The following CHCHD3 variants were observed in gnomAD, a reference collection of about 807,000 sequenced individuals.
The protein encoded by CHCHD3 is MICOS complex subunit MIC19.
In CHCHD3, 20 loss-of-function variants were observed where a neutral mutation model predicts 38.2. The ratio of observed to expected loss-of-function variants is 0.52; its 90% CI spans 0.37 to 0.76. CHCHD3 has a LOEUF of 0.76. CHCHD3 is among the 30% of genes least tolerant of loss of function. CHCHD3 has a pLI of 0.00. For missense variants in CHCHD3, 245 were observed against 279.2 expected (o/e 0.88, Z 0.87); for synonymous variants, 82 against 100.0 (o/e 0.82, Z 1.07).
At chr7:132,797,560 C>T (rs534458312) in intron 6 of CHCHD3, among the ~76,000 whole-genome samples, 2 of 152,142 alleles carry the variant, frequency 1.3e-5, no homozygotes, top group Admixed American at 1.3e-4. Context: ...TTCTTTGTTA[C>T]CTCAGCTATT....
intron 4 of CHCHD3, among the ~76,000 whole-genome samples, chr7:132,937,878 A>G (rs1810669510): frequency 1.3e-5 from 2 of 152,216 alleles, no homozygotes; most frequent in South Asian, 4.1e-4. Context: ...TGCTACATAA[A>G]GAGACTGAAC....
chr7:132,813,105 C>A (rs905020818), intron 6 of CHCHD3, among the ~76,000 whole-genome samples: 3 of 152,180 alleles, frequency 2.0e-5, no homozygotes, highest in African/African-American at 7.2e-5. Context: ...GCAGTATTCC[C>A]AGTGCTTGTC....
chr7:132,899,434 T>C (rs750901471), intron 4 of CHCHD3, among the ~76,000 whole-genome samples: 1 of 152,204 alleles, frequency 6.6e-6, no homozygotes, highest in Non-Finnish European at 1.5e-5. Flanking sequence ...GCAGGTTCTC[T>C]TAAACATAGA....
chr7:133,023,133 T>C (rs1367624679), intron 3 of CHCHD3, among the ~76,000 whole-genome samples: 1 of 152,088 alleles, frequency 6.6e-6, no homozygotes. Context: ...AATTATATAG[T>C]CTATCAACCT....
At chr7:132,886,611 C>T (rs1809220921) in intron 4 of CHCHD3, among the ~76,000 whole-genome samples, 1 of 150,906 alleles carries the variant, frequency 6.6e-6, no homozygotes, top group Non-Finnish European at 1.5e-5. Flanking sequence ...CTGACTACAA[C>T]TTATAAGAAA....
chr7:132,847,763 C>G (rs1210268869), intron 5 of CHCHD3, among the ~76,000 whole-genome samples: 2 of 152,186 alleles, frequency 1.3e-5, no homozygotes, highest in Non-Finnish European at 2.9e-5. Flanking sequence ...GCAATATTTT[C>G]TCAGATTCTG....
At chr7:132,794,443 A>G (rs551665623) in intron 7 of CHCHD3, among the ~76,000 whole-genome samples, 2 of 152,368 alleles carry the variant, frequency 1.3e-5, no homozygotes, top group East Asian at 3.9e-4. Context: ...AACAAGTAAA[A>G]GAATGGATGT....
At chr7:133,001,521 GT>G (rs201954622) in intron 3 of CHCHD3, among the ~76,000 whole-genome samples, 2 of 151,536 alleles carry the variant, frequency 1.3e-5, no homozygotes, top group South Asian at 4.2e-4. Flanking sequence ...AAACTAAGTT[GT>G]TTTTTTTAAT....
chr7:132,873,024 A>T (rs1020592516), intron 5 of CHCHD3, among the ~76,000 whole-genome samples: 1 of 152,044 alleles, frequency 6.6e-6, no homozygotes, highest in African/African-American at 2.4e-5. Flanking sequence ...GAGGAGATGG[A>T]GGTTGCAGTG....
intron 6 of CHCHD3, among the ~76,000 whole-genome samples, chr7:132,820,469 G>A (rs1183091584): frequency 1.3e-5 from 2 of 152,096 alleles, no homozygotes; most frequent in Non-Finnish European, 2.9e-5. Flanking sequence ...TATGGCTTCC[G>A]CATCCCTTTC....
chr7:132,992,469 G>A (rs1180920976), intron 3 of CHCHD3, among the ~76,000 whole-genome samples: 3 of 152,052 alleles, frequency 2.0e-5, no homozygotes, highest in Non-Finnish European at 4.4e-5. Flanking sequence ...TCTTCCCATT[G>A]CTCCCCCAGT....
intron 4 of CHCHD3, among the ~76,000 whole-genome samples, chr7:132,947,544 T>A (rs1368212740): frequency 1.3e-5 from 2 of 152,010 alleles, no homozygotes; most frequent in Non-Finnish European, 2.9e-5. Flanking sequence ...AGTTTAAAAT[T>A]CTCTTTTAAT....
chr7:132,867,575 C>T (rs1038525836), intron 5 of CHCHD3, among the ~76,000 whole-genome samples: 1 of 152,126 alleles, frequency 6.6e-6, no homozygotes, highest in African/African-American at 2.4e-5. Flanking sequence ...GCAAACCCTT[C>T]TCTCTCCTTA....
chr7:132,990,949 CAT>C (rs1036875794), intron 3 of CHCHD3, among the ~76,000 whole-genome samples: 90 of 130,078 alleles, frequency 6.9e-4, no homozygotes, highest in African/African-American at 2.7e-3. Context: ...CACAGACACA[CAT>C]ACACACACAC....
intron 2 of CHCHD3, among the ~76,000 whole-genome samples, chr7:133,052,606 A>C (rs1185135667): frequency 6.6e-6 from 1 of 152,250 alleles, no homozygotes; most frequent in Non-Finnish European, 1.5e-5. Flanking sequence ...TCATACTAAC[A>C]TATCTGTGGT....
chr7:133,031,743 G>A (rs966218613), intron 2 of CHCHD3, among the ~76,000 whole-genome samples: 2 of 152,052 alleles, frequency 1.3e-5, no homozygotes, highest in African/African-American at 4.8e-5. Context: ...GAGAAACCAT[G>A]AAGATCTTCC....
In CHCHD3 at chr7:132,984,820, C is replaced by T. The variant is rs1198967597; in HGVS notation, c.252-9534G>A. On this transcript the variant is annotated intron_variant, in intron 3 of 7. Coordinates refer to ENST00000262570, the MANE Select transcript of CHCHD3 (RefSeq NM_017812.4). ...CCGTCTGGGAAGTGAGGAGCGTCTC[C>T]GCCCGGCAGCCACCCGGTCTGGGAG... 8.6e-5 allele frequency among the ~76,000 whole-genome samples: 11 copies of T among 127,286 alleles called. 1 individual carries two copies. Among genetic ancestry groups the T allele is most frequent in the Non-Finnish European group, 1.4e-4 (8 of 58,790 alleles). The allele number at this position is 127,286 out of a possible 152,430, so 83.5% of individuals were successfully genotyped here. A position where few individuals can be genotyped will look rare whatever the true frequency, so the allele number is the denominator to read the frequency against.
intron 6 of CHCHD3, among the ~76,000 whole-genome samples, chr7:132,812,258 G>T (rs1351260425): frequency 7.7e-6 from 1 of 130,628 alleles, no homozygotes; most frequent in East Asian, 2.3e-4. Flanking sequence ...GCCCAGGCTG[G>T]AATGCAGTGG....
intron 5 of CHCHD3, among the ~76,000 whole-genome samples, chr7:132,846,384 C>T (rs12666840): frequency 0.23 from 35,158 of 152,180 alleles, 4,212 homozygotes; most frequent in South Asian, 0.26. Context: ...GTGAGCCCAG[C>T]TGATAACAGT....
Sources: allele counts gnomAD v4.1 joint callset (sites outside exome capture counted in the v4.1 genomes callset), GRCh38; gene constraint gnomAD v4.1.1; transcripts MANE v1.5; gene names NCBI Gene and HGNC (gene_info 2026-07-23, HGNC 2026-07-21).